MAP3K10: variants seen among roughly 807,000 people sequenced by gnomAD.
MAP3K10 encodes the protein mitogen-activated protein kinase kinase kinase 10.
Under a neutral mutation model 75.0 loss-of-function variants are expected in MAP3K10, and 22 were observed. The ratio of observed to expected loss-of-function variants is 0.29; its 90% CI spans 0.21 to 0.42. MAP3K10 has a LOEUF of 0.42. MAP3K10 is among the 10% of genes least tolerant of loss of function. The probability of loss-of-function intolerance (pLI) is 1.00; values close to 1 mark genes in which losing one functional copy is unlikely to be tolerated. For missense variants in MAP3K10, 1,165 were observed against 1,379.8 expected, an observed-to-expected ratio of 0.84 and a Z score of 2.47; for synonymous variants, 599 against 612.9, an observed-to-expected ratio of 0.98 and a Z score of 0.34.
Position 40,213,213 on chromosome 19 carries a change from G to A in MAP3K10, c.1837+25G>A. 6.5e-7 allele frequency: 1 copy of A among 1,539,790 alleles called. No individual in the cohort carries two copies. Among genetic ancestry groups the A allele is most frequent in the East Asian group, 2.4e-5 (1 of 42,164 alleles). The stretch of plus-strand genomic sequence containing the variant: ...GGTAAGAGCCTGGGTTCTTGTAAGG[G>A]GGTGGGGGTTCCCTGGCCAAAGGGG... On this transcript the variant is annotated intron_variant, in intron 8 of 9. Transcript: ENST00000253055. The surrounding 1 kb of genome is among the most constrained non-coding windows in gnomAD (Gnocchi z 5.7).
At chr19:40,207,431 G>A (rs907931768) in intron 5 of MAP3K10, among the ~76,000 whole-genome samples, 3 of 152,108 alleles carry the variant, frequency 2.0e-5, no homozygotes, top group African/African-American at 7.2e-5. Context: ...AATAAGAGAT[G>A]TCAATTTTAA....
chr19:40,206,416 A>AT (rs888397788), intron 5 of MAP3K10: 14 of 323,816 alleles, frequency 4.3e-5, no homozygotes, highest in African/African-American at 1.9e-4. Flanking sequence ...AAAAAAAAAA[A>AT]TTTTTTTTAA....
At chr19:40,210,864 C>T (rs1337968138) in intron 6 of MAP3K10, among the ~76,000 whole-genome samples, 1 of 152,164 alleles carries the variant, frequency 6.6e-6, no homozygotes, top group Non-Finnish European at 1.5e-5. Context: ...TGTCTGGGCC[C>T]TCAGTGGATT....
intron 6 of MAP3K10, among the ~76,000 whole-genome samples, chr19:40,210,960 C>A (rs2145094745): frequency 6.6e-6 from 1 of 152,344 alleles, no homozygotes; most frequent in South Asian, 2.1e-4. Context: ...AACACCCTCA[C>A]AGAAATCATG....
intron 2 of MAP3K10, among the ~76,000 whole-genome samples, chr19:40,202,681 T>TC (rs1973048223): frequency 6.6e-6 from 1 of 152,182 alleles, no homozygotes; most frequent in Admixed American, 6.5e-5. Context: ...GCTCTCACTC[T>TC]CCCACGCAGG....
At position 40,213,998 on chromosome 19, in the gene MAP3K10, G is replaced by GCCCACC; in HGVS notation, c.2322_2323insACCCCC (p.Pro774_Ser775insThrPro). On this transcript the variant is annotated inframe_insertion, in exon 9 of 10. Coordinates refer to ENST00000253055, the MANE Select transcript of MAP3K10 (RefSeq NM_002446.4). This position sits in a 1 kb window ranked among gnomAD's most constrained non-coding sequence, Gnocchi z 5.7. Reference sequence around the variant, plus strand: ...ACAGTGACGAGGCCGCACCGGCCGCGCCCTCCCCACCACCCTCCCCGCCCG... The same window carrying GCCCACC: ...ACAGTGACGAGGCCGCACCGGCCGCGCCCACCCCCTCCCCACCACCCTCCCCGCCCG... The GCCCACC allele has an allele frequency of 1.3e-6, 2 of 1,521,832 alleles. No individual in the cohort carries two copies. The highest frequency in any genetic ancestry group is 2.5e-5 in the East Asian group (1 of 39,528). 94.3% of individuals were successfully genotyped at this position (1,521,832 alleles called of 1,614,324 possible).
At chr19:40,209,709 C>G (rs1448387825) in intron 6 of MAP3K10, among the ~76,000 whole-genome samples, 1 of 151,842 alleles carries the variant, frequency 6.6e-6, no homozygotes, top group Non-Finnish European at 1.5e-5. Flanking sequence ...CCACCGCGCC[C>G]GGGCGCAGGA....
Position 40,215,139 on chromosome 19 carries a change from C to T in MAP3K10, c.2712C>T (p.Phe904=), listed in dbSNP as rs565611295. Residue 904 remains phenylalanine (F), a synonymous_variant, in exon 10 of 10, where the codon TTC becomes TTT. Transcript: ENST00000253055. ...TGGACCCCTGGAAACTGGTCTCCTTCGGCCGGACACTCACCATCTCGCCTC... is the reference window on the plus strand; with the variant it reads ...TGGACCCCTGGAAACTGGTCTCCTTTGGCCGGACACTCACCATCTCGCCTC... ...PRLDPWKLVS[F]GRTLTISPPS... 2.2e-4 allele frequency: 353 copies of T among 1,610,108 alleles called. 4 individuals carry two copies. In the South Asian group the frequency reaches 3.4e-3, roughly 16 times the overall value.
At position 40,213,910 on chromosome 19, in the gene MAP3K10, C is replaced by T. The variant is rs1359818436; in HGVS notation, c.2231C>T (p.Ala744Val). Reference protein sequence around the residue: ...VGPGLGLAPSATLVSLSSVSD... With the variant: ...VGPGLGLAPSVTLVSLSSVSD... ...CCCGGCCTGGGCCTGGCGCCCTCGG[C>T]CACCCTCGTGTCGCTGTCGTCCGTG... The change falls in exon 9 of 10, where the codon GCC becomes GTC. Residue 744 changes from alanine (A) to valine (V), a missense_variant. Physicochemically the swap from Ala to Val is moderately conservative, Grantham distance 64. Transcript: ENST00000253055. The surrounding 1 kb of genome is among the most constrained non-coding windows in gnomAD (Gnocchi z 5.7). The T allele has an allele frequency of 5.3e-6, 8 of 1,510,578 alleles. No individual in the cohort carries two copies. In the Admixed American group the frequency reaches 6.3e-5, roughly 12 times the overall value. 93.6% of individuals were successfully genotyped at this position (1,510,578 alleles called of 1,614,324 possible). A position where few individuals can be genotyped will look rare whatever the true frequency, so the allele number is the denominator to read the frequency against.
chr19:40,212,276 G>C lies in MAP3K10; in HGVS notation c.1553-529G>C, dbSNP rs1044049940. ...TGAAGGGTGAAAGGCTAGCTCCCAA[G>C]TTCCAACACCTCATTCACCCCAGCA... On this transcript the variant is annotated intron_variant, in intron 6 of 9. Transcript: ENST00000253055. The surrounding 1 kb of genome is among the most constrained non-coding windows in gnomAD (Gnocchi z 4.2). Among the ~76,000 whole-genome samples, 1 of 152,134 alleles carries C rather than the reference G, an allele frequency of 6.6e-6. No homozygotes were observed. The highest frequency in any genetic ancestry group is 2.4e-5 in the African/African-American group (1 of 41,414).
intron 6 of MAP3K10, among the ~76,000 whole-genome samples, chr19:40,210,883 C>A (rs1464558738): frequency 6.6e-6 from 1 of 152,130 alleles, no homozygotes; most frequent in African/African-American, 2.4e-5. Flanking sequence ...TTGGATGGTG[C>A]CCACCCACAT....
rs906976001 is a variant in MAP3K10 at position 40,204,259 on chromosome 19, G to C, written c.864-226G>C. Among the ~76,000 whole-genome samples, 3 of 152,174 alleles carry C rather than the reference G, an allele frequency of 2.0e-5. No homozygotes were observed. Among genetic ancestry groups the C allele is most frequent in the Non-Finnish European group, 4.4e-5 (3 of 68,024 alleles). On this transcript the variant is annotated intron_variant, in intron 2 of 9. Transcript: ENST00000253055. This position sits in a 1 kb window ranked among gnomAD's most constrained non-coding sequence, Gnocchi z 4.3. ...CACGGGACCTGAAGATTTTCAGGCAGGGGAGAGGGAAGACAGGCCGAGCAA... is the reference window on the plus strand; with the variant it reads ...CACGGGACCTGAAGATTTTCAGGCACGGGAGAGGGAAGACAGGCCGAGCAA...
chr19:40,214,002 T>TGCCCC lies in MAP3K10; in HGVS notation c.2323_2324insGCCCC (p.Ser775CysfsTer49). 2.1e-4 allele frequency: 308 copies of TGCCCC among 1,493,208 alleles called. No homozygotes were observed. Among genetic ancestry groups the TGCCCC allele is most frequent in the East Asian group, 6.6e-4 (25 of 37,748 alleles). The allele number at this position is 1,493,208 out of a possible 1,614,324, so 92.5% of individuals were successfully genotyped here. A position where few individuals can be genotyped will look rare whatever the true frequency, so the allele number is the denominator to read the frequency against. ...TGACGAGGCCGCACCGGCCGCGCCC[T>TGCCCC]CCCCACCACCCTCCCCGCCCGCGCC... On this transcript the variant is annotated frameshift_variant, in exon 9 of 10. Coordinates refer to ENST00000253055, the MANE Select transcript of MAP3K10 (RefSeq NM_002446.4). LOFTEE classifies it high-confidence loss of function.
chr19:40,201,339 A>G (rs1486015091), intron 2 of MAP3K10, among the ~76,000 whole-genome samples: 1 of 150,582 alleles, frequency 6.6e-6, no homozygotes, highest in Non-Finnish European at 1.5e-5. Flanking sequence ...GGCCCAGCTA[A>G]TTTTTGTATT....
intron 9 of MAP3K10, 92 bp downstream of exon 9, chr19:40,214,313 G>A: frequency 7.6e-7 from 1 of 1,307,394 alleles, no homozygotes; most frequent in African/African-American, 1.6e-5. Context: ...GACCCCTCAG[G>A]CAGCCACCTC....
intron 2 of MAP3K10, among the ~76,000 whole-genome samples, chr19:40,200,140 A>C (rs998399678): frequency 1.1e-4 from 16 of 152,244 alleles, no homozygotes; most frequent in African/African-American, 3.9e-4. Flanking sequence ...CTCTACTAAA[A>C]ATACAAAAAT....
chr19:40,214,208 G>T lies in MAP3K10; in HGVS notation c.2529G>T (p.Ala843=), dbSNP rs758317764. Residue 843 remains alanine, a synonymous_variant, in exon 9 of 10, where the codon GCG becomes GCT. Transcript: ENST00000253055. ...GGCAGCGGGGGCCGCCCGAGCCCGC[G>T]GGCCATGGCCCTGGTGAGTGAGGCG... ...ALGQRGPPEP[A]GHGPGPRDLL... is the part of the protein sequence containing the mutation. 6.6e-5 allele frequency: 94 copies of T among 1,424,006 alleles called. No individual in the cohort carries two copies. In the African/African-American group the frequency reaches 1.3e-3, roughly 20 times the overall value. The allele number at this position is 1,424,006 out of a possible 1,614,324, so 88.2% of individuals were successfully genotyped here. A position where few individuals can be genotyped will look rare whatever the true frequency, so the allele number is the denominator to read the frequency against.
chr19:40,207,288 G>A (rs1186233465), intron 5 of MAP3K10, among the ~76,000 whole-genome samples: 4 of 151,962 alleles, frequency 2.6e-5, no homozygotes, highest in Non-Finnish European at 4.4e-5. Context: ...GGCACGTAGT[G>A]TCTACTTGTC....
chr19:40,215,248 C>T lies in MAP3K10; in HGVS notation c.2821C>T (p.Gln941Ter). ...LLDMDMEGQN[Q>*]DSTVPLCGAH... ...GGACATGGACATGGAGGGGCAGAAC[C>T]AAGACAGCACAGTGCCCCTGTGCGG... The change falls in exon 10 of 10, where the codon CAA becomes TAA. Residue 941 changes from glutamine (Q) to a stop codon, truncating the protein, a stop_gained. Transcript: ENST00000253055. LOFTEE classifies it high-confidence loss of function. 3 of 1,556,922 alleles carry T rather than the reference C, an allele frequency of 1.9e-6. No individual in the cohort carries two copies. Among genetic ancestry groups the T allele is most frequent in the Non-Finnish European group, 2.6e-6 (3 of 1,150,874 alleles).
Sources: gnomAD v4.1 joint callset for allele counts (sites outside exome capture counted in the v4.1 genomes callset) on GRCh38, gnomAD v4.1.1 for gene constraint, Gnocchi (gnomAD v3.1) non-coding constraint, MANE v1.5 for transcripts, NCBI Gene and HGNC (gene_info 2026-07-23, HGNC 2026-07-21) for gene names.